WDR3: variants seen among roughly 807,000 people sequenced by gnomAD.
WDR3 encodes WD repeat domain 3.
A neutral mutation model predicts 123.7 loss-of-function variants in WDR3; 81 were observed. The observed-to-expected ratio is 0.65, with a 90% CI of 0.55 to 0.79. The LOEUF is 0.79. Among genes scored for constraint, WDR3 ranks in the 30% least tolerant of loss-of-function variants. The pLI, the probability that WDR3 is intolerant of heterozygous loss-of-function variation, is 0.00. For synonymous variants in WDR3, 390 were observed against 388.8 expected (o/e 1.00, Z -0.04); for missense variants, 1,027 against 1,123.2 (o/e 0.91, Z 1.22).
chr1:117,959,480 TTTTTCC>T lies in WDR3; in HGVS notation c.*37_*42del. 1.3e-6 allele frequency: 2 copies of T among 1,548,536 alleles called. No individual in the cohort carries two copies. Among genetic ancestry groups the T allele is most frequent in the Non-Finnish European group, 1.7e-6 (2 of 1,150,296 alleles). On this transcript the variant is annotated 3_prime_UTR_variant, in exon 27 of 27. Coordinates refer to ENST00000349139, the MANE Select transcript of WDR3 (RefSeq NM_006784.3). ...ATGTGGTATCTTTTTTTTTTTCAAC[TTTTTCC>T]TTTAAAGGACTCCTAAACTAAGCAC... is the stretch of plus-strand genomic sequence containing the variant.
rs895544201 is a variant in WDR3, at chr1:117,933,400, C to T, written c.81C>T (p.Val27=). 2 of 1,614,112 alleles carry T rather than the reference C, an allele frequency of 1.2e-6. No homozygotes were observed. The highest frequency in any genetic ancestry group is 3.3e-5 in the Admixed American group (2 of 60,024). ...TCGGCAGCCAAAAAGGTAATATTGT[C>T]TTTGTGACACTTCGTGGTGAGAAAG... ...GVIGSQKGNI[V]FVTLRGEKGR... Residue 27 remains valine, a synonymous_variant, in exon 2 of 27, where the codon GTC becomes GTT. Transcript: ENST00000349139.
chr1:117,951,106 A>G (rs1487963651), intron 16 of WDR3, among the ~76,000 whole-genome samples: 1 of 151,950 alleles, frequency 6.6e-6, no homozygotes, highest in African/African-American at 2.4e-5. Context: ...ATCTCAATCA[A>G]TCCTTATAAA....
At chr1:117,941,322 T>G (rs1651164014) in intron 8 of WDR3, 97 bp downstream of exon 8, 2 of 1,211,288 alleles carry the variant, frequency 1.7e-6, no homozygotes, top group Non-Finnish European at 1.2e-6. Context: ...TTTTCTTGAC[T>G]CATGTTAATA....
Position 117,948,497 on chromosome 1 carries a change from T to C in WDR3, c.1515T>C (p.Ser505=), listed in dbSNP as rs755248831. The part of the protein sequence containing the change: ...HDGALWSMSL[S]PDQRGFVTGG... Reference sequence around the variant, plus strand: ...GAGCTTTGTGGTCCATGTCCCTCTCTCCAGATCAGGTAACTAAACCAGATT... The same window carrying C: ...GAGCTTTGTGGTCCATGTCCCTCTCCCCAGATCAGGTAACTAAACCAGATT... Residue 505 remains serine (S), a synonymous_variant, in exon 13 of 27, where the codon TCT becomes TCC. Transcript: ENST00000349139. The C allele has an allele frequency of 3.7e-6, 6 of 1,612,868 alleles. No individual in the cohort carries two copies. The African/African-American group carries it at 8.0e-5, about 22-fold the overall frequency.
chr1:117,932,479 TGATTTG>T (rs1249578070), intron 1 of WDR3, among the ~76,000 whole-genome samples: 1 of 152,144 alleles, frequency 6.6e-6, no homozygotes, highest in African/African-American at 2.4e-5. Context: ...GCCCTCCAGG[TGATTTG>T]GATGTATACT....
chr1:117,963,273 G>A lies in WDR3; in HGVS notation c.*3826G>A, dbSNP rs1653347491. 6.6e-6 allele frequency: 1 copy of A among 152,092 alleles called. No individual in the cohort carries two copies. Among genetic ancestry groups the A allele is most frequent in the Non-Finnish European group, 1.5e-5 (1 of 68,042 alleles). 9.4% of individuals were successfully genotyped at this position (152,092 alleles called of 1,614,324 possible). ...TAATGGGATGTGTCTTCCAAGATTA[G>A]GGTATAAAGCACTGAATTCTACCTT... On this transcript the variant is annotated 3_prime_UTR_variant, in exon 27 of 27. Coordinates refer to ENST00000349139, the MANE Select transcript of WDR3 (RefSeq NM_006784.3).
intron 13 of WDR3, among the ~76,000 whole-genome samples, chr1:117,948,870 T>C (rs1458604803): frequency 2.6e-5 from 4 of 152,214 alleles, no homozygotes; most frequent in Non-Finnish European, 5.9e-5. Context: ...TAAGTAGTTT[T>C]AGCAAGTATG....
At position 117,940,707 on chromosome 1, in the gene WDR3, G is replaced by A. The variant is rs552165019; in HGVS notation, c.676-120G>A. On this transcript the variant is annotated intron_variant, in intron 6 of 26. Coordinates refer to ENST00000349139, the MANE Select transcript of WDR3 (RefSeq NM_006784.3). The stretch of plus-strand genomic sequence containing the variant: ...CATGCCATTGCACTCCAGCCTGGGC[G>A]ACAGAGTAAGACTCTGTCTCCGACA... 1.8e-5 allele frequency: 16 copies of A among 897,472 alleles called. No homozygotes were observed. In the South Asian group the frequency reaches 1.9e-4, roughly 11 times the overall value. 55.6% of individuals were successfully genotyped at this position (897,472 alleles called of 1,614,324 possible).
At position 117,963,916 on chromosome 1, in the gene WDR3, A is replaced by G; in HGVS notation, c.*4469A>G. On this transcript the variant is annotated 3_prime_UTR_variant, in exon 27 of 27. Transcript: ENST00000349139. Reference sequence around the variant, plus strand: ...GGGGAAAGTCTTTTGGTCGTTTATCATAATTGCTGCTTGTTAAAACAGGTA... The same window carrying G: ...GGGGAAAGTCTTTTGGTCGTTTATCGTAATTGCTGCTTGTTAAAACAGGTA... 3.7e-6 allele frequency: 6 copies of G among 1,614,004 alleles called. No homozygotes were observed. Among genetic ancestry groups the G allele is most frequent in the African/African-American group, 1.3e-5 (1 of 75,062 alleles).
At chr1:117,946,919 T>A (rs140233807) in intron 12 of WDR3, among the ~76,000 whole-genome samples, 11 of 127,358 alleles carry the variant, frequency 8.6e-5, no homozygotes, top group African/African-American at 3.4e-4. Flanking sequence ...CCAGCCTGGG[T>A]GACAGAGCAA....
rs1196583419 is a variant in WDR3, at chr1:117,964,549, CAAAG to C, written c.*5103_*5106del. On this transcript the variant is annotated 3_prime_UTR_variant, in exon 27 of 27. Transcript: ENST00000349139. Reference sequence around the variant, plus strand: ...ACAATGGAAAAACCCTGTCATTACTCAAAGGAAGAGAAAAAGGGAGGGGAGGAAG... The same window carrying C: ...ACAATGGAAAAACCCTGTCATTACTCGAAGAGAAAAAGGGAGGGGAGGAAG... The C allele has an allele frequency of 2.0e-5, 3 of 151,866 alleles. No individual in the cohort carries two copies. The highest frequency in any genetic ancestry group is 4.4e-5 in the Non-Finnish European group (3 of 67,980). The allele number at this position is 151,866 out of a possible 1,614,324, so 9.4% of individuals were successfully genotyped here. A position where few individuals can be genotyped will look rare whatever the true frequency, so the allele number is the denominator to read the frequency against.
chr1:117,939,447 G>T lies in WDR3; in HGVS notation c.580-30G>T, dbSNP rs7524166. On this transcript the variant is annotated intron_variant, in intron 5 of 26. Coordinates refer to ENST00000349139, the MANE Select transcript of WDR3 (RefSeq NM_006784.3). ...TGCTACCTGGAATCTCTTGAAAATC[G>T]TATTACTCAAATCTTTTTATATTCT... is the stretch of plus-strand genomic sequence containing the variant. 9.7e-6 allele frequency: 15 copies of T among 1,549,110 alleles called. 1 individual carries two copies. The highest frequency in any genetic ancestry group is 7.8e-5 in the South Asian group (7 of 90,142).
chr1:117,939,675 G>A, intron 6 of WDR3, 103 bp downstream of exon 6: 1 of 1,141,264 alleles, frequency 8.8e-7, no homozygotes, highest in Non-Finnish European at 1.3e-6. Context: ...CATATTAGAA[G>A]GAATTCTATC....
At position 117,936,842 on chromosome 1, in the gene WDR3, T is replaced by C; in HGVS notation, c.455T>C (p.Ile152Thr). ...LYRLKGHKDAITQALFLREKN... is the reference protein window; with the variant it reads ...LYRLKGHKDATTQALFLREKN... ...CGTCTAAAGGGGCACAAGGATGCCA[T>C]CACACAAGCATTGTTTCTACGAGAA... Residue 152 changes from isoleucine (I) to threonine (T), a missense_variant, in exon 4 of 27, where the codon ATC becomes ACC. By Grantham distance (89) the Ile-to-Thr change is moderately conservative. Transcript: ENST00000349139. 6.2e-6 allele frequency: 10 copies of C among 1,613,466 alleles called. 1 individual carries two copies. The Middle Eastern group carries it at 5.0e-4, about 80-fold the overall frequency.
intron 2 of WDR3, 103 bp downstream of exon 2, chr1:117,933,593 T>C (rs545935088): frequency 6.7e-7 from 1 of 1,482,400 alleles, no homozygotes; most frequent in South Asian, 1.2e-5. Context: ...AGTTTTTTTG[T>C]GTCTGTGCCC....
intron 3 of WDR3, among the ~76,000 whole-genome samples, chr1:117,936,017 C>G (rs1359918845): frequency 6.6e-6 from 1 of 151,862 alleles, no homozygotes; most frequent in African/African-American, 2.4e-5. Flanking sequence ...CACCATAAAG[C>G]ATGTAAAATA....
rs528041894 is a variant in WDR3 at position 117,958,493 on chromosome 1, C to G, written c.2583-417C>G. The stretch of plus-strand genomic sequence containing the variant: ...GGGTCATCAAGGATATCTTGGTACT[C>G]TAGGTCAGAGTTTGAATCTCACGAA... On this transcript the variant is annotated intron_variant, in intron 25 of 26. Coordinates refer to ENST00000349139, the MANE Select transcript of WDR3 (RefSeq NM_006784.3). Among the ~76,000 whole-genome samples, 3 of 152,254 alleles carry G rather than the reference C, an allele frequency of 2.0e-5. No individual in the cohort carries two copies. The East Asian group carries it at 5.8e-4, about 29-fold the overall frequency.
At chr1:117,930,939 A>T (rs1334550433) in intron 1 of WDR3, among the ~76,000 whole-genome samples, 3 of 152,032 alleles carry the variant, frequency 2.0e-5, no homozygotes, top group Non-Finnish European at 4.4e-5. Flanking sequence ...TTGTGGTGTT[A>T]TTGTGGAGAA....
chr1:117,945,949 G>C (rs926395795), intron 11 of WDR3, 137 bp from the exon 12 acceptor site: 3 of 472,938 alleles, frequency 6.3e-6, no homozygotes, highest in Non-Finnish European at 1.1e-5. Flanking sequence ...CTATAATTGT[G>C]TGTGAGTCAA....
Sources: gnomAD v4.1 joint callset for allele counts (sites outside exome capture counted in the v4.1 genomes callset) on GRCh38, gnomAD v4.1.1 for gene constraint, MANE v1.5 for transcripts, NCBI Gene and HGNC (gene_info 2026-07-23, HGNC 2026-07-21) for gene names.